The following NACC2 variants were observed in gnomAD, a reference collection of about 807,000 sequenced individuals.
The protein encoded by NACC2 is NACC family member 2.
NACC2 carries 8 observed loss-of-function variants against 25.1 expected under a neutral mutation model. That is an observed-to-expected ratio of 0.32 (90% CI 0.19 to 0.57). The LOEUF (loss-of-function observed/expected upper bound fraction) is 0.57, where lower values mean the gene tolerates loss of function less well. NACC2 is among the 20% of genes least tolerant of loss of function. The probability of loss-of-function intolerance (pLI) is 0.89; values close to 1 mark genes in which losing one functional copy is unlikely to be tolerated. For synonymous variants in NACC2, 435 were observed against 294.7 expected, an observed-to-expected ratio of 1.48 and a Z score of -4.88; for missense variants, 644 against 650.2, an observed-to-expected ratio of 0.99 and a Z score of 0.10.
chr9:136,024,897 G>A (rs1026461557), intron 2 of NACC2, among the ~76,000 whole-genome samples: 1 of 152,232 alleles, frequency 6.6e-6, no homozygotes, highest in African/African-American at 2.4e-5. Flanking sequence ...GTGGCTGACA[G>A]AGCCGGGAGC....
chr9:136,027,304 T>C (rs945113155), intron 2 of NACC2, among the ~76,000 whole-genome samples: 6 of 151,934 alleles, frequency 3.9e-5, no homozygotes, highest in African/African-American at 1.5e-4. Context: ...AGAGGACAAA[T>C]GATAGAAAGA....
intron 2 of NACC2, among the ~76,000 whole-genome samples, chr9:136,017,418 C>T (rs1007805192): frequency 6.6e-6 from 1 of 152,132 alleles, no homozygotes; most frequent in Non-Finnish European, 1.5e-5. Flanking sequence ...ACCTGCTGGA[C>T]ACCCAGCATG....
chr9:136,071,200 T>A (rs1018826898), intron 1 of NACC2, among the ~76,000 whole-genome samples: 4 of 150,650 alleles, frequency 2.7e-5, no homozygotes, highest in Admixed American at 1.3e-4. Flanking sequence ...GCCACTACAC[T>A]CCATCCAGCC....
chr9:136,040,939 C>T (rs984377948), intron 2 of NACC2, among the ~76,000 whole-genome samples: 4 of 143,872 alleles, frequency 2.8e-5, no homozygotes, highest in Non-Finnish European at 4.5e-5. Flanking sequence ...CCAGCCCAGG[C>T]GACAGAGTGA....
rs1192955264 is a variant in NACC2 at position 136,049,893 on chromosome 9, G to A, written c.629C>T (p.Ala210Val). ...GVAVAAGAAV[A>V]AGTAPLKLPR... The stretch of plus-strand genomic sequence containing the variant: ...CAGTTTGAGAGGGGCTGTGCCCGCC[G>A]CCACCGCAGCCCCCGCGGCCACCGC... Residue 210 changes from alanine (A) to valine (V), a missense_variant, in exon 2 of 6, where the codon GCG becomes GTG. By Grantham distance (64) the Ala-to-Val change is moderately conservative. Coordinates refer to ENST00000277554, the MANE Select transcript of NACC2 (RefSeq NM_144653.5). The A allele has an allele frequency of 3.7e-5, 22 of 588,286 alleles. 1 individual carries two copies. The highest frequency in any genetic ancestry group is 1.6e-4 in the South Asian group (8 of 51,282). 36.4% of individuals were successfully genotyped at this position (588,286 alleles called of 1,614,324 possible).
In NACC2 at chr9:136,011,574, G is replaced by T; in HGVS notation, c.1706C>A (p.Pro569His). 1 of 1,405,618 alleles carries T rather than the reference G, an allele frequency of 7.1e-7. No individual in the cohort carries two copies. The highest frequency in any genetic ancestry group is 2.8e-5 in the East Asian group (1 of 36,148). The allele number at this position is 1,405,618 out of a possible 1,614,324, so 87.1% of individuals were successfully genotyped here. The change falls in exon 6 of 6, where the codon CCC becomes CAC. Residue 569 changes from proline to histidine, a missense_variant. By Grantham distance (77) the Pro-to-His change is moderately conservative. Coordinates refer to ENST00000277554, the MANE Select transcript of NACC2 (RefSeq NM_144653.5). ...CCGGGCCGCGGCCGCCGGCGTCTGG[G>T]GCCTGCTGGGGCCGCCCCCGCCCTG... ...FEQGGGGPSR[P>H]QTPAAAARRP... is the part of the protein sequence containing the mutation.
At chr9:136,070,680 A>C (rs28885459) in intron 1 of NACC2, among the ~76,000 whole-genome samples, 9 of 140,252 alleles carry the variant, frequency 6.4e-5, no homozygotes, top group South Asian at 4.6e-4. Context: ...AAAAAAAAAA[A>C]CAAAAACCAA....
chr9:136,013,258 G>A lies in NACC2; in HGVS notation c.1196C>T (p.Ser399Leu), dbSNP rs752094797. 5 of 1,611,654 alleles carry A rather than the reference G, an allele frequency of 3.1e-6. No individual in the cohort carries two copies. The highest frequency in any genetic ancestry group is 1.1e-5 in the South Asian group (1 of 90,998). ...LANSCGTGIR[S>L]STSDPSRKPL... ...CTTCCGGCTGGGGTCGCTGGTGGAC[G>A]AGCGGATGCCAGTCCCGCAGCTGTT... Residue 399 changes from serine to leucine, a missense_variant, in exon 5 of 6, where the codon TCG (serine) becomes TTG (leucine). Ser to Leu is a moderately radical substitution (Grantham distance 145). Transcript: ENST00000277554. This position sits in a 1 kb window ranked among gnomAD's most constrained non-coding sequence, Gnocchi z 6.6.
chr9:136,011,796 A>C lies in NACC2; in HGVS notation c.1484T>G (p.Ile495Ser). ...GGCGTCGCCCCGCCGCTCGGCGTAG[A>C]TGCGTTGCTCGAACACCTGTGCCGC... is the stretch of plus-strand genomic sequence containing the variant. ...PAAAQVFEQR[I>S]YAERRGDAAT... The change falls in exon 6 of 6, where the codon ATC becomes AGC. Residue 495 changes from isoleucine (I) to serine (S), a missense_variant. Coordinates refer to ENST00000277554, the MANE Select transcript of NACC2 (RefSeq NM_144653.5). The C allele has an allele frequency of 6.3e-7, 1 of 1,579,724 alleles. No individual in the cohort carries two copies. Among genetic ancestry groups the C allele is most frequent in the Non-Finnish European group, 8.6e-7 (1 of 1,163,770 alleles).
rs1840098188 is a variant in NACC2 at position 136,011,080 on chromosome 9, G to A, written c.*436C>T. 6.5e-6 allele frequency: 1 copy of A among 154,570 alleles called. No individual in the cohort carries two copies. The highest frequency in any genetic ancestry group is 1.4e-5 in the Non-Finnish European group (1 of 69,808). The allele number at this position is 154,570 out of a possible 1,614,324, so 9.6% of individuals were successfully genotyped here. The stretch of plus-strand genomic sequence containing the variant: ...CCCGTCGCCCCAGAGAGGTTCCATG[G>A]GGAAGGAAGGAAGGGTCAGTGACGC... On this transcript the variant is annotated 3_prime_UTR_variant, in exon 6 of 6. Transcript: ENST00000277554.
In NACC2 at chr9:136,055,889, G is replaced by A. The variant is rs766893804; in HGVS notation, c.-59-5309C>T. Among the ~76,000 whole-genome samples, 80 of 152,282 alleles carry A rather than the reference G, an allele frequency of 5.3e-4. No individual in the cohort carries two copies. Among genetic ancestry groups the A allele is most frequent in the Middle Eastern group, 3.4e-3 (1 of 294 alleles). ...GGTCAATCGAAGGCGCTCCTGGAGC[G>A]TGAGAAGGTGTGGGGATGGGGCGGG... On this transcript the variant is annotated intron_variant, in intron 1 of 5. Transcript: ENST00000277554. This position sits in a 1 kb window ranked among gnomAD's most constrained non-coding sequence, Gnocchi z 4.9.
At chr9:136,047,219 G>A (rs902522623) in intron 2 of NACC2, among the ~76,000 whole-genome samples, 4 of 152,286 alleles carry the variant, frequency 2.6e-5, no homozygotes, top group East Asian at 1.9e-4. Context: ...CCCGGGACAC[G>A]GAGGGCACGG....
intron 1 of NACC2, among the ~76,000 whole-genome samples, chr9:136,072,138 T>C (rs1303219895): frequency 6.6e-6 from 1 of 152,008 alleles, no homozygotes; most frequent in Non-Finnish European, 1.5e-5. Flanking sequence ...CTCGGGAGGC[T>C]GAGGCAGGAG....
rs368012198 is a variant in NACC2, at chr9:136,034,824, T to C, written c.886+14812A>G. Among the ~76,000 whole-genome samples the C allele has an allele frequency of 2.6e-3, 400 of 152,288 alleles. 13 individuals are homozygous for C. In the East Asian group the frequency reaches 0.055, roughly 21 times the overall value. The stretch of plus-strand genomic sequence containing the variant: ...AATCATAATTGGGGGCCAGGCACAG[T>C]GGCTCATGCCTGTAACCCCAGCATT... On this transcript the variant is annotated intron_variant, in intron 2 of 5. Coordinates refer to ENST00000277554, the MANE Select transcript of NACC2 (RefSeq NM_144653.5).
At position 136,049,485 on chromosome 9, in the gene NACC2, T is replaced by C. The variant is rs1244339710; in HGVS notation, c.886+151A>G. The C allele has an allele frequency of 1.2e-5, 7 of 593,392 alleles. No homozygotes were observed. The East Asian group carries it at 1.7e-4, about 15-fold the overall frequency. The allele number at this position is 593,392 out of a possible 1,614,324, so 36.8% of individuals were successfully genotyped here. A position where few individuals can be genotyped will look rare whatever the true frequency, so the allele number is the denominator to read the frequency against. The stretch of plus-strand genomic sequence containing the variant: ...CCAGGACCAAGTCTGAACCCCATGG[T>C]GAACAGAGCTCTGCCACCTCCTCCA... On this transcript the variant is annotated intron_variant, in intron 2 of 5. Coordinates refer to ENST00000277554, the MANE Select transcript of NACC2 (RefSeq NM_144653.5).
chr9:136,028,310 A>G (rs945492323), intron 2 of NACC2, among the ~76,000 whole-genome samples: 1 of 151,644 alleles, frequency 6.6e-6, no homozygotes, highest in Non-Finnish European at 1.5e-5. Context: ...AGGGCCAGAG[A>G]GTAAATACTT....
chr9:136,041,095 A>AAAGGAAGG (rs796544088), intron 2 of NACC2, among the ~76,000 whole-genome samples: 4 of 146,338 alleles, frequency 2.7e-5, no homozygotes, highest in Non-Finnish European at 6.0e-5. Context: ...GAAGCAAAGG[A>AAAGGAAGG]AAGGAAAGGA....
chr9:136,060,771 C>T (rs11103295), intron 1 of NACC2, among the ~76,000 whole-genome samples: 19,112 of 152,246 alleles, frequency 0.13, 1,521 homozygotes, highest in East Asian at 0.38. Flanking sequence ...GCCCTGGGCA[C>T]GTCCCCACCA....
intron 5 of NACC2, 34 bp from the exon 6 acceptor site, chr9:136,012,058 T>A: frequency 1.4e-6 from 2 of 1,478,930 alleles, no homozygotes; most frequent in Non-Finnish European, 1.8e-6. Context: ...CTCAGCCACC[T>A]GCCTGCCGGG....
Sources: gnomAD v4.1 joint callset for allele counts (sites outside exome capture counted in the v4.1 genomes callset) on GRCh38, gnomAD v4.1.1 for gene constraint, Gnocchi (gnomAD v3.1) non-coding constraint, MANE v1.5 for transcripts, NCBI Gene and HGNC (gene_info 2026-07-23, HGNC 2026-07-21) for gene names.